Variants in DAB1 observed in about 807,000 individuals in gnomAD.
DAB1 encodes disabled homolog 1.
A neutral mutation model predicts 64.6 loss-of-function variants in DAB1; 15 were observed. That is an observed-to-expected ratio of 0.23 (90% confidence interval 0.16 to 0.36). The LOEUF (loss-of-function observed/expected upper bound fraction) is 0.36. Among genes scored for constraint, DAB1 ranks in the 10% least tolerant of loss-of-function variants. The probability of loss-of-function intolerance (pLI) is 1.00; values close to 1 mark genes in which losing one functional copy is unlikely to be tolerated. For synonymous variants in DAB1, 235 were observed against 251.9 expected, an observed-to-expected ratio of 0.93 and a Z score of 0.64; for missense variants, 596 against 706.7, an observed-to-expected ratio of 0.84 and a Z score of 1.78.
At chr1:58,181,304 C>T (rs1008166368) in intron 4 of DAB1, among the ~76,000 whole-genome samples, 1 of 151,928 alleles carries the variant, frequency 6.6e-6, no homozygotes, top group African/African-American at 2.4e-5. Flanking sequence ...ATATCTTTTT[C>T]CATTATTTTA....
At chr1:57,331,791 G>A (rs1030949138) in intron 1 of DAB1, among the ~76,000 whole-genome samples, 2 of 152,050 alleles carry the variant, frequency 1.3e-5, no homozygotes, top group African/African-American at 2.4e-5. Context: ...TTTTGACTTG[G>A]CACTGAGATG....
At chr1:58,267,378 T>C (rs552352) in intron 4 of DAB1, among the ~76,000 whole-genome samples, 141,229 of 152,288 alleles carry the variant, frequency 0.93, 65,479 homozygotes, top group Middle Eastern at 0.96. Context: ...TGCTCTTCTA[T>C]TCTTTGCAGG....
downstream of DAB1, among the ~76,000 whole-genome samples, chr1:57,824,629 C>T (rs1652264651): frequency 6.6e-6 from 1 of 152,152 alleles, no homozygotes; most frequent in Admixed American, 6.5e-5. Flanking sequence ...TTTTCAGTAG[C>T]AATTTTGCCC....
At chr1:57,554,331 C>T (rs1489612386) in intron 7 of DAB1, among the ~76,000 whole-genome samples, 1 of 152,228 alleles carries the variant, frequency 6.6e-6, no homozygotes, top group Non-Finnish European at 1.5e-5. Context: ...CTGCGAAAGT[C>T]GCTTGAATTT....
chr1:57,562,922 G>A (rs934198144), intron 7 of DAB1, among the ~76,000 whole-genome samples: 6 of 152,168 alleles, frequency 3.9e-5, no homozygotes, highest in Non-Finnish European at 8.8e-5. Context: ...GACGAAATCA[G>A]TCTGCTACTC....
intron 5 of DAB1, among the ~76,000 whole-genome samples, chr1:58,034,483 T>G (rs189324245): frequency 1.4e-4 from 21 of 152,368 alleles, no homozygotes; most frequent in Middle Eastern, 3.4e-3. Context: ...GTTGTCACTT[T>G]AAGCCATGAA....
intron 3 of DAB1, among the ~76,000 whole-genome samples, chr1:58,390,766 T>C (rs1457877653): frequency 3.3e-5 from 5 of 152,214 alleles, no homozygotes; most frequent in African/African-American, 1.2e-4. Context: ...TGAGGCAGGC[T>C]TTCTATTGTT....
chr1:57,198,740 G>A (rs472528), intron 2 of DAB1, among the ~76,000 whole-genome samples: 78,041 of 150,914 alleles, frequency 0.52, 20,936 homozygotes, highest in African/African-American at 0.65. Flanking sequence ...AGGAAGTGAC[G>A]TGTAAGCTGG....
chr1:58,259,745 A>C (rs531911051), intron 4 of DAB1, among the ~76,000 whole-genome samples: 4 of 152,280 alleles, frequency 2.6e-5, no homozygotes, highest in African/African-American at 9.6e-5. Context: ...GACTCTTCCA[A>C]ACCCAATTAA....
At chr1:57,469,644 T>C (rs539193169) in intron 7 of DAB1, among the ~76,000 whole-genome samples, 6 of 152,196 alleles carry the variant, frequency 3.9e-5, no homozygotes, top group Non-Finnish European at 8.8e-5. Context: ...CCCAGATATG[T>C]GTATATAATT....
chr1:58,097,863 C>T lies in DAB1; in HGVS notation n.387+52648G>A, dbSNP rs139308483. 6.5e-3 allele frequency among the ~76,000 whole-genome samples: 994 copies of T among 152,212 alleles called. 14 individuals are homozygous for T. The highest frequency in any genetic ancestry group is 0.021 in the African/African-American group (871 of 41,534). On this transcript the variant is annotated intron_variant and non_coding_transcript_variant, in intron 5 of 20. Transcript: ENST00000485760. Reference sequence around the variant, plus strand: ...GGAAAATAGAAAAACAGCTTGAAAGCCACCAAGCCCAGGGCCTGTTTGTGA... The same window carrying T: ...GGAAAATAGAAAAACAGCTTGAAAGTCACCAAGCCCAGGGCCTGTTTGTGA...
In DAB1 at chr1:57,901,813, A is replaced by G. The variant is rs1644478042; in HGVS notation, n.388-17651T>C. Among the ~76,000 whole-genome samples the G allele has an allele frequency of 2.0e-5, 3 of 152,132 alleles. No individual in the cohort carries two copies. In the South Asian group the frequency reaches 6.2e-4, roughly 32 times the overall value. On this transcript the variant is annotated intron_variant and non_coding_transcript_variant, in intron 5 of 20. Transcript: ENST00000485760. The stretch of plus-strand genomic sequence containing the variant: ...TCTGAGCCTGCAGAACCCCAGCTCC[A>G]CCATTCCTTCTCACAGCCAACCCCA...
chr1:58,252,832 C>G (rs1212059334), intron 4 of DAB1, among the ~76,000 whole-genome samples: 1 of 152,146 alleles, frequency 6.6e-6, no homozygotes, highest in Non-Finnish European at 1.5e-5. Context: ...ATTCCCAGGG[C>G]CCCGAAGCAC....
intron 9 of DAB1, among the ~76,000 whole-genome samples, chr1:57,062,675 A>G (rs755763565): frequency 6.6e-6 from 1 of 152,162 alleles, no homozygotes; most frequent in Non-Finnish European, 1.5e-5. Flanking sequence ...ACCTTCATCC[A>G]GATTGGCAAC....
intron 4 of DAB1, 44 bp downstream of exon 4, chr1:57,136,499 T>C (rs765984867): frequency 6.7e-6 from 8 of 1,193,680 alleles, no homozygotes; most frequent in South Asian, 1.7e-5. Flanking sequence ...GGTACATCTG[T>C]CAATGGATAA....
At position 58,133,606 on chromosome 1, in the gene DAB1, A is replaced by G. The variant is rs116085461; in HGVS notation, n.387+16905T>C. Among the ~76,000 whole-genome samples, 191 of 152,332 alleles carry G rather than the reference A, an allele frequency of 1.3e-3. 1 individual carries two copies. Among genetic ancestry groups the G allele is most frequent in the African/African-American group, 4.3e-3 (179 of 41,576 alleles). On this transcript the variant is annotated intron_variant and non_coding_transcript_variant, in intron 5 of 20. Coordinates refer to the DAB1 transcript ENST00000485760. ...CTTTCACTGATTCATTTATTTAGCAATTGATCAATAAGTTTATTGATCTCT... is the reference window on the plus strand; with the variant it reads ...CTTTCACTGATTCATTTATTTAGCAGTTGATCAATAAGTTTATTGATCTCT...
At chr1:57,602,258 A>G (rs1645583704) in intron 7 of DAB1, among the ~76,000 whole-genome samples, 1 of 152,170 alleles carries the variant, frequency 6.6e-6, no homozygotes, top group African/African-American at 2.4e-5. Flanking sequence ...ACATTTCTGT[A>G]TCTGGCATAC....
chr1:58,357,747 G>A (rs993018941), intron 3 of DAB1, among the ~76,000 whole-genome samples: 2 of 152,142 alleles, frequency 1.3e-5, no homozygotes, highest in African/African-American at 2.4e-5. Flanking sequence ...AGGTAATGCA[G>A]GTGCTGTGTA....
intron 6 of DAB1, among the ~76,000 whole-genome samples, chr1:57,694,615 C>T (rs1342530567): frequency 6.6e-6 from 1 of 152,056 alleles, no homozygotes; most frequent in East Asian, 1.9e-4. Context: ...CCACTGCTTT[C>T]CATTATTAGG....
Sources: gnomAD v4.1 joint callset for allele counts (sites outside exome capture counted in the v4.1 genomes callset) on GRCh38, gnomAD v4.1.1 for gene constraint, MANE v1.5 for transcripts, NCBI Gene and HGNC (gene_info 2026-07-23, HGNC 2026-07-21) for gene names.